The following ANAPC16 variants were observed in gnomAD, a reference collection of about 807,000 sequenced individuals.
ANAPC16 encodes anaphase-promoting complex subunit 16.
A neutral mutation model predicts 13.1 loss-of-function variants in ANAPC16; 6 were observed. The observed-to-expected ratio is 0.46, with a 90% CI of 0.25 to 0.90. The LOEUF (loss-of-function observed/expected upper bound fraction) is 0.90. Ranked by LOEUF, ANAPC16 falls within the 40% of genes least tolerant of loss-of-function variation. The pLI is 0.18. For synonymous variants in ANAPC16, 55 were observed against 51.3 expected (o/e 1.07, Z -0.31); for missense variants, 113 against 131.1 (o/e 0.86, Z 0.67).
At chr10:72,224,105 T>C (rs1425592885) in intron 2 of ANAPC16, 49 bp downstream of exon 2, 1 of 1,462,000 alleles carries the variant, frequency 6.8e-7, no homozygotes, top group Admixed American at 2.1e-5. Context: ...CTGCAATGCA[T>C]ATTAATTGTA....
At chr10:72,221,781 G>A (rs557514911) in intron 1 of ANAPC16, among the ~76,000 whole-genome samples, 34 of 146,024 alleles carry the variant, frequency 2.3e-4, no homozygotes, top group Admixed American at 2.2e-3. Context: ...CCAGGCTGGA[G>A]TGCAATGGTG....
At chr10:72,217,334 G>T (rs1174787039) in intron 1 of ANAPC16, among the ~76,000 whole-genome samples, 2 of 152,032 alleles carry the variant, frequency 1.3e-5, no homozygotes, top group Admixed American at 6.6e-5. Context: ...AATTAGCCGG[G>T]TGTGGTGGCG....
intron 3 of ANAPC16, among the ~76,000 whole-genome samples, chr10:72,230,655 G>A (rs1013026005): frequency 7.2e-5 from 11 of 152,194 alleles, no homozygotes; most frequent in African/African-American, 2.7e-4. Flanking sequence ...AGCACTTTGG[G>A]AGGCTGAGGC....
intron 3 of ANAPC16, among the ~76,000 whole-genome samples, chr10:72,231,085 C>T (rs575471356): frequency 6.6e-6 from 1 of 152,338 alleles, no homozygotes; most frequent in South Asian, 2.1e-4. Flanking sequence ...CATTAGGCCT[C>T]ACCAGGCCTT....
rs1393530387 is a variant in ANAPC16, at chr10:72,233,822, G to A, written c.*706G>A. 5 of 152,560 alleles carry A rather than the reference G, an allele frequency of 3.3e-5. No individual in the cohort carries two copies. The highest frequency in any genetic ancestry group is 1.2e-4 in the African/African-American group (5 of 41,418). The allele number at this position is 152,560 out of a possible 1,614,324, so 9.5% of individuals were successfully genotyped here. ...TGTAGCAAATAAATCCTTTGAAAGA[G>A]CTCCAAATTGGTGGCATTATCCTTT... On this transcript the variant is annotated 3_prime_UTR_variant, in exon 4 of 4. Transcript: ENST00000299381.
At chr10:72,227,758 C>T (rs1471414673) in intron 2 of ANAPC16, among the ~76,000 whole-genome samples, 2 of 151,666 alleles carry the variant, frequency 1.3e-5, no homozygotes, top group Non-Finnish European at 2.9e-5. Flanking sequence ...AGGCCGGGCA[C>T]GGTGCCTCAC....
At chr10:72,221,682 C>T (rs1260475243) in intron 1 of ANAPC16, among the ~76,000 whole-genome samples, 3 of 149,624 alleles carry the variant, frequency 2.0e-5, no homozygotes, top group Admixed American at 2.0e-4. Flanking sequence ...CCTCAGTCTC[C>T]TGAGTAGCTG....
intron 1 of ANAPC16, among the ~76,000 whole-genome samples, chr10:72,221,456 A>C (rs1021844360): frequency 6.6e-6 from 1 of 152,000 alleles, no homozygotes; most frequent in Non-Finnish European, 1.5e-5. Context: ...GCTACTGGCA[A>C]CCATATTGTG....
chr10:72,226,392 G>A (rs1046097024), intron 2 of ANAPC16, among the ~76,000 whole-genome samples: 4 of 151,958 alleles, frequency 2.6e-5, no homozygotes, highest in African/African-American at 9.7e-5. Flanking sequence ...ACAAACTATA[G>A]GCCAGGCATA....
intron 1 of ANAPC16, among the ~76,000 whole-genome samples, chr10:72,218,263 C>T (rs1859744774): frequency 7.4e-6 from 1 of 135,704 alleles, no homozygotes; most frequent in African/African-American, 2.8e-5. Context: ...CAGACCTTGG[C>T]GATGACCTTG....
intron 1 of ANAPC16, among the ~76,000 whole-genome samples, chr10:72,219,814 G>A (rs998799344): frequency 2.6e-5 from 4 of 152,042 alleles, no homozygotes; most frequent in Non-Finnish European, 5.9e-5. Context: ...CTGTTTTACC[G>A]TTCCCATACC....
At chr10:72,232,202 A>G (rs7913218) in intron 3 of ANAPC16, among the ~76,000 whole-genome samples, 71,436 of 138,172 alleles carry the variant, frequency 0.52, 19,910 homozygotes, top group Middle Eastern at 0.69. Flanking sequence ...AAAAAAAAAA[A>G]AAAAAAAAAA....
intron 2 of ANAPC16, among the ~76,000 whole-genome samples, chr10:72,227,351 T>A (rs1860153790): frequency 6.6e-6 from 1 of 152,222 alleles, no homozygotes; most frequent in African/African-American, 2.4e-5. Context: ...CTCAATATGC[T>A]TCATGGAGAA....
chr10:72,220,746 T>C (rs895224082), intron 1 of ANAPC16: 1 of 125,868 alleles, frequency 7.9e-6, no homozygotes, highest in East Asian at 2.4e-4. Flanking sequence ...GAAAGAAAAA[T>C]ACTCAGGCTG....
At chr10:72,221,800 G>T (rs1859946123) in intron 1 of ANAPC16, among the ~76,000 whole-genome samples, 1 of 148,576 alleles carries the variant, frequency 6.7e-6, no homozygotes, top group African/African-American at 2.5e-5. Context: ...TGCAGTCTTG[G>T]CTTACTGCAA....
At chr10:72,232,938 G>A (rs999093062) in intron 3 of ANAPC16, 63 bp from the exon 4 acceptor site, 1 of 1,296,980 alleles carries the variant, frequency 7.7e-7, no homozygotes, top group Non-Finnish European at 1.1e-6. Context: ...TCATCTTGGT[G>A]GCTGGTGGCA....
At position 72,233,225 on chromosome 10, in the gene ANAPC16, T is replaced by A; in HGVS notation, c.*109T>A. On this transcript the variant is annotated 3_prime_UTR_variant, in exon 4 of 4. Coordinates refer to ENST00000299381, the MANE Select transcript of ANAPC16 (RefSeq NM_173473.4). ...ATCCACAGCTACGTCACTGAATTGT[T>A]AATGCACATTTGTACTTGGTTTCTC... 1.3e-6 allele frequency: 1 copy of A among 745,198 alleles called. No individual in the cohort carries two copies. Among genetic ancestry groups the A allele is most frequent in the Non-Finnish European group, 2.3e-6 (1 of 440,794 alleles). 46.2% of individuals were successfully genotyped at this position (745,198 alleles called of 1,614,324 possible).
chr10:72,232,342 C>T (rs183510891), intron 3 of ANAPC16, among the ~76,000 whole-genome samples: 4 of 151,600 alleles, frequency 2.6e-5, no homozygotes, highest in Admixed American at 2.6e-4. Context: ...GTCAGGAGTT[C>T]GAGACTAGCC....
rs1322796998 is a variant in ANAPC16 at position 72,234,702 on chromosome 10, T to A, written c.*1586T>A. 1 of 152,232 alleles carries A rather than the reference T, an allele frequency of 6.6e-6. No individual in the cohort carries two copies. The highest frequency in any genetic ancestry group is 2.4e-5 in the African/African-American group (1 of 41,460). The allele number at this position is 152,232 out of a possible 1,614,324, so 9.4% of individuals were successfully genotyped here. A position where few individuals can be genotyped will look rare whatever the true frequency, so the allele number is the denominator to read the frequency against. On this transcript the variant is annotated 3_prime_UTR_variant, in exon 4 of 4. Coordinates refer to ENST00000299381, the MANE Select transcript of ANAPC16 (RefSeq NM_173473.4). ...AGAGTTCAAAATGTTTAACACATTCTACCTGACGGGAGGTGGTGACCTCAT... is the reference window on the plus strand; with the variant it reads ...AGAGTTCAAAATGTTTAACACATTCAACCTGACGGGAGGTGGTGACCTCAT...
Sources: gnomAD v4.1 joint callset for allele counts (sites outside exome capture counted in the v4.1 genomes callset) on GRCh38, gnomAD v4.1.1 for gene constraint, MANE v1.5 for transcripts, NCBI Gene and HGNC (gene_info 2026-07-23, HGNC 2026-07-21) for gene names.